ZNF320: variants seen among roughly 807,000 people sequenced by gnomAD.
ZNF320 encodes zinc finger protein 320, also known as zinc finger gene 320.
In ZNF320, 2 loss-of-function variants were observed where a neutral mutation model predicts 6.8. That is an observed-to-expected ratio of 0.29 (90% confidence interval 0.12 to 0.93). The LOEUF is 0.93. Among genes scored for constraint, ZNF320 ranks in the 40% least tolerant of loss-of-function variants. The probability of loss-of-function intolerance (pLI) is 0.55; values close to 1 mark genes in which losing one functional copy is unlikely to be tolerated. For synonymous variants in ZNF320, 208 were observed against 203.2 expected (o/e 1.02, Z -0.20); for missense variants, 472 against 611.0 (o/e 0.77, Z 2.40).
At chr19:52,861,882 T>C (rs2063488587) in exon 6 of ZNF320, 2 of 380,418 alleles carry the variant, frequency 5.3e-6, no homozygotes, top group African/African-American at 4.3e-5. Flanking sequence ...GCCTAATGAC[T>C]TGTGAACGTG....
Position 52,880,819 on chromosome 19 carries a change from G to C in ZNF320, c.1307C>G (p.Thr436Arg). The change falls in exon 6 of 6, where the codon ACA becomes AGA. Residue 436 changes from threonine (T) to arginine (R), a missense_variant. Physicochemically the swap from Thr to Arg is moderately conservative, Grantham distance 71. Transcript: ENST00000682928. ...SHLERHRRIH[T>R]GEKPHKCGDC... is the part of the protein sequence containing the mutation. Reference sequence around the variant, plus strand: ...ACCACACTTGTGAGGTTTCTCTCCTGTATGAATCCTCCTATGTCTTTCAAG... The same window carrying C: ...ACCACACTTGTGAGGTTTCTCTCCTCTATGAATCCTCCTATGTCTTTCAAG... 6.2e-7 allele frequency: 1 copy of C among 1,613,936 alleles called. No individual in the cohort carries two copies. Among genetic ancestry groups the C allele is most frequent in the Non-Finnish European group, 8.5e-7 (1 of 1,179,844 alleles).
chr19:52,865,725 TTATATATATGATTATACACATATATTTA>T, intron 5 of ZNF320, among the ~76,000 whole-genome samples: 1 of 110,702 alleles, frequency 9.0e-6, no homozygotes. Context: ...ATACACATAT[TTATATATATGATTATACACATATATTTA>T]TATATATGAT....
At chr19:52,862,831 A>T in exon 6 of ZNF320, 1 of 358,952 alleles carries the variant, frequency 2.8e-6, no homozygotes. Context: ...CATTCTTTAC[A>T]TTTGTAAGGT....
At chr19:52,892,970 T>G (rs7343062) in intron 2 of ZNF320, among the ~76,000 whole-genome samples, 3,133 of 152,220 alleles carry the variant, frequency 0.021, 91 homozygotes, top group African/African-American at 0.071. Context: ...TTCTCTACAT[T>G]TCTCCAGTTG....
At chr19:52,884,160 A>G (rs1386059063) in intron 5 of ZNF320, among the ~76,000 whole-genome samples, 1 of 152,154 alleles carries the variant, frequency 6.6e-6, no homozygotes, top group Non-Finnish European at 1.5e-5. Flanking sequence ...TTTGGCTGGC[A>G]CCTTGCTCTT....
chr19:52,890,346 G>A lies in ZNF320; in HGVS notation c.-73-18C>T, dbSNP rs947673394. 1.3e-6 allele frequency: 2 copies of A among 1,519,444 alleles called. No individual in the cohort carries two copies. Among genetic ancestry groups the A allele is most frequent in the East Asian group, 4.5e-5 (2 of 44,342 alleles). 94.1% of individuals were successfully genotyped at this position (1,519,444 alleles called of 1,614,324 possible). ...AGTCAATCCTAAATGTTAGAAATAT[G>A]TTGTTTATCACTGAGAATCAACACA... On this transcript the variant is annotated intron_variant, in intron 3 of 5. Transcript: ENST00000682928.
At chr19:52,903,483 T>G in the ZNF320 span, among the ~76,000 whole-genome samples, 1 of 152,072 alleles carries the variant, frequency 6.6e-6, no homozygotes, top group Admixed American at 6.6e-5. Context: ...CTGGTCTGGG[T>G]GCCTTGGCTT....
chr19:52,882,056 A>G, intron 5 of ZNF320, 73 bp from the exon 6 acceptor site: 2 of 1,359,072 alleles, frequency 1.5e-6, no homozygotes, highest in Non-Finnish European at 2.0e-6. Flanking sequence ...TATAAATATC[A>G]CACACACACA....
Position 52,877,732 on chromosome 19 carries a change from C to T in ZNF320, c.*2864G>A, listed in dbSNP as rs1438197881. The T allele has an allele frequency of 2.6e-5, 4 of 152,144 alleles. No individual in the cohort carries two copies. The highest frequency in any genetic ancestry group is 5.9e-5 in the Non-Finnish European group (4 of 68,026). The allele number at this position is 152,144 out of a possible 1,614,324, so 9.4% of individuals were successfully genotyped here. ...TTCCCAGATTGACTTTTCTCTTTGG[C>T]TTAGTAATTTTTATTTTCCTTTCAC... On this transcript the variant is annotated 3_prime_UTR_variant, in exon 6 of 6. Transcript: ENST00000682928.
Position 52,890,238 on chromosome 19 carries a change from C to T in ZNF320, c.15+3G>A. 6.2e-7 allele frequency: 1 copy of T among 1,607,598 alleles called. No individual in the cohort carries two copies. Among genetic ancestry groups the T allele is most frequent in the Non-Finnish European group, 8.5e-7 (1 of 1,179,690 alleles). On this transcript the variant is annotated splice_donor_region_variant and intron_variant, in intron 4 of 5. Transcript: ENST00000682928. ...GAACAATCCACCGAGAATATCATCT[C>T]ACCTGAGAAAGAGCCATCCCCGACT...
At chr19:52,888,811 ATATG>A (rs1216500125) in intron 4 of ZNF320, among the ~76,000 whole-genome samples, 1 of 152,178 alleles carries the variant, frequency 6.6e-6, no homozygotes, top group Non-Finnish European at 1.5e-5. Context: ...GTGTGTGTAC[ATATG>A]TATGTATGTA....
chr19:52,902,409 C>A (rs1008010807), upstream of ZNF320, among the ~76,000 whole-genome samples: 1 of 152,244 alleles, frequency 6.6e-6, no homozygotes, highest in African/African-American at 2.4e-5. Context: ...GGGGGACAAT[C>A]AGGGCCTCTG....
At chr19:52,860,871 G>A (rs926531569) in exon 6 of ZNF320, among the ~76,000 whole-genome samples, 1 of 152,008 alleles carries the variant, frequency 6.6e-6, no homozygotes, top group Admixed American at 6.6e-5. Context: ...AGCTCTCCTA[G>A]GATCCTGTTT....
Position 52,880,786 on chromosome 19 carries a change from C to T in ZNF320, c.1340G>A (p.Gly447Asp), listed in dbSNP as rs376442224. Residue 447 changes from glycine (G) to aspartate (D), a missense_variant, in exon 6 of 6, where the codon GGT (glycine) becomes GAT (aspartate). By Grantham distance (94) the Gly-to-Asp change is moderately conservative (BLOSUM62 -1). Transcript: ENST00000682928. ...GTGTGAAGGTGAATTAAAGGCTTTA[C>T]CACAATCACCACACTTGTGAGGTTT... ...GEKPHKCGDCGKAFNSPSHLI... is the reference protein window; with the variant it reads ...GEKPHKCGDCDKAFNSPSHLI... 16 of 1,613,790 alleles carry T rather than the reference C, an allele frequency of 9.9e-6. No homozygotes were observed. The highest frequency in any genetic ancestry group is 2.7e-5 in the African/African-American group (2 of 74,914).
intron 2 of ZNF320, chr19:52,892,351 A>G (rs2064321804): frequency 6.6e-6 from 1 of 152,422 alleles, no homozygotes; most frequent in African/African-American, 2.4e-5. Flanking sequence ...GGGCAACAAG[A>G]GTGAAACTGT....
At chr19:52,874,445 T>A (rs775230829), downstream of ZNF320, among the ~76,000 whole-genome samples, 2 of 152,152 alleles carry the variant, frequency 1.3e-5, no homozygotes, top group Non-Finnish European at 2.9e-5. Context: ...TGGAGACAGA[T>A]AAGGATCACC....
At chr19:52,869,338 C>G (rs1428487044) in intron 5 of ZNF320, among the ~76,000 whole-genome samples, 1 of 152,038 alleles carries the variant, frequency 6.6e-6, no homozygotes, top group Non-Finnish European at 1.5e-5. Context: ...AGAGTATACA[C>G]AACAATATAC....
At chr19:52,866,978 A>G (rs1238741379) in intron 5 of ZNF320, among the ~76,000 whole-genome samples, 2 of 151,982 alleles carry the variant, frequency 1.3e-5, no homozygotes, top group Non-Finnish European at 2.9e-5. Flanking sequence ...GCAATTCTAT[A>G]TACACATATT....
chr19:52,861,292 G>T (rs866240987), exon 6 of ZNF320, among the ~76,000 whole-genome samples: 1 of 152,170 alleles, frequency 6.6e-6, no homozygotes, highest in East Asian at 1.9e-4. Context: ...AAATACTAAG[G>T]AATAAATGTA....
Sources: allele counts gnomAD v4.1 joint callset (sites outside exome capture counted in the v4.1 genomes callset), GRCh38; gene constraint gnomAD v4.1.1; transcripts MANE v1.5; gene names NCBI Gene and HGNC (gene_info 2026-07-23, HGNC 2026-07-21).